The following KIAA1217 variants were observed in gnomAD, a reference collection of about 807,000 sequenced individuals.
KIAA1217 encodes the protein KIAA1217, also known as sickle tail protein homolog.
A neutral mutation model predicts 163.9 loss-of-function variants in KIAA1217; 88 were observed. The ratio of observed to expected loss-of-function variants is 0.54; its 90% confidence interval spans 0.45 to 0.64. The LOEUF (loss-of-function observed/expected upper bound fraction) is 0.64. Ranked by LOEUF, KIAA1217 falls within the 30% of genes least tolerant of loss-of-function variation. The pLI is 0.00. For synonymous variants in KIAA1217, 903 were observed against 923.1 expected, an observed-to-expected ratio of 0.98 and a Z score of 0.39; for missense variants, 2,372 against 2,475.0, an observed-to-expected ratio of 0.96 and a Z score of 0.88.
intron 1 of KIAA1217, among the ~76,000 whole-genome samples, chr10:23,815,849 G>T (rs1056036568): frequency 8.5e-5 from 13 of 152,100 alleles, no homozygotes; most frequent in African/African-American, 3.1e-4. Flanking sequence ...GTCTTTAGTG[G>T]AGTCGATTCT....
intron 2 of KIAA1217, among the ~76,000 whole-genome samples, chr10:24,202,995 G>T (rs1233227577): frequency 6.6e-6 from 1 of 152,090 alleles, no homozygotes; most frequent in African/African-American, 2.4e-5. Context: ...TTCAAGACCA[G>T]CCTGAGCAAC....
At chr10:24,080,941 A>G (rs1381494062) in intron 2 of KIAA1217, among the ~76,000 whole-genome samples, 3 of 152,212 alleles carry the variant, frequency 2.0e-5, no homozygotes, top group Non-Finnish European at 4.4e-5. Context: ...GACAATATTT[A>G]GGGAAATGAA....
At chr10:24,288,088 A>AT (rs1564409900) in intron 2 of KIAA1217, among the ~76,000 whole-genome samples, 1 of 152,100 alleles carries the variant, frequency 6.6e-6, no homozygotes, top group African/African-American at 2.4e-5. Flanking sequence ...GTACTACAGG[A>AT]TTTTTTAAAA....
intron 1 of KIAA1217, among the ~76,000 whole-genome samples, chr10:23,774,725 C>T (rs1359819112): frequency 6.6e-6 from 1 of 152,138 alleles, no homozygotes; most frequent in African/African-American, 2.4e-5. Context: ...GAAAAAGGTG[C>T]AGTCTGGGGC....
At chr10:24,000,406 CACCATGTGAA>C (rs1846684692) in intron 1 of KIAA1217, among the ~76,000 whole-genome samples, 1 of 152,114 alleles carries the variant, frequency 6.6e-6, no homozygotes, top group Non-Finnish European at 1.5e-5. Flanking sequence ...TCCTTGCTGC[CACCATGTGAA>C]GAAGGACAGG....
At chr10:23,878,045 A>C (rs371612608) in intron 1 of KIAA1217, among the ~76,000 whole-genome samples, 3 of 151,944 alleles carry the variant, frequency 2.0e-5, no homozygotes, top group African/African-American at 7.2e-5. Context: ...GTATTGTCAC[A>C]GTAAAGAGGC....
intron 2 of KIAA1217, among the ~76,000 whole-genome samples, chr10:24,078,520 C>T (rs1217118779): frequency 1.3e-5 from 2 of 152,218 alleles, no homozygotes; most frequent in Non-Finnish European, 1.5e-5. Flanking sequence ...GTGCGTTCAC[C>T]AGCAATGCTG....
chr10:24,464,816 A>G (rs2062777686), intron 5 of KIAA1217, among the ~76,000 whole-genome samples: 1 of 152,170 alleles, frequency 6.6e-6, no homozygotes, highest in Non-Finnish European at 1.5e-5. Flanking sequence ...CATGTCGAAC[A>G]TGGCATGACT....
intron 1 of KIAA1217, among the ~76,000 whole-genome samples, chr10:23,731,699 G>A (rs775886412): frequency 1.5e-4 from 23 of 151,934 alleles, no homozygotes; most frequent in African/African-American, 5.1e-4. Flanking sequence ...GGAAAGCTTC[G>A]AGTTTCTCAC....
chr10:24,397,447 G>C (rs2055949601), intron 3 of KIAA1217, among the ~76,000 whole-genome samples: 1 of 152,104 alleles, frequency 6.6e-6, no homozygotes, highest in Non-Finnish European at 1.5e-5. Flanking sequence ...GCTAACATTT[G>C]CTAAGCACTC....
chr10:24,155,817 GA>G (rs2064847458), intron 2 of KIAA1217, among the ~76,000 whole-genome samples: 2 of 151,638 alleles, frequency 1.3e-5, no homozygotes, highest in Admixed American at 1.3e-4. Flanking sequence ...GTGAGACTCT[GA>G]CTTGGAATAA....
At chr10:24,441,853 T>C (rs1019784004) in intron 5 of KIAA1217, among the ~76,000 whole-genome samples, 1 of 152,170 alleles carries the variant, frequency 6.6e-6, no homozygotes, top group Non-Finnish European at 1.5e-5. Context: ...AACCATTCCA[T>C]TTCATGACTC....
chr10:24,405,299 T>C (rs903662442), intron 3 of KIAA1217, among the ~76,000 whole-genome samples: 1 of 152,082 alleles, frequency 6.6e-6, no homozygotes, highest in African/African-American at 2.4e-5. Context: ...TATTATAATT[T>C]TTTTCAAAAT....
At chr10:24,414,444 C>T (rs183037602) in intron 3 of KIAA1217, among the ~76,000 whole-genome samples, 7 of 152,268 alleles carry the variant, frequency 4.6e-5, no homozygotes, top group Admixed American at 3.3e-4. Context: ...AGTATGATGA[C>T]TTTGCTTGAT....
chr10:24,362,419 AAAGAAAAGAAG>A (rs2134260318), intron 2 of KIAA1217, among the ~76,000 whole-genome samples: 1 of 152,356 alleles, frequency 6.6e-6, no homozygotes, highest in South Asian at 2.1e-4. Flanking sequence ...ATTAACAGTA[AAAGAAAAGAAG>A]AAGAAAAGGA....
rs549880629 is a variant in KIAA1217 at position 23,962,986 on chromosome 10, A to G, written c.-320-44239A>G. ...ATATAAAATCTCTAAAAGAAAAAAG[A>G]AAAGATTTTCAGGTACCAGGTTGTG... On this transcript the variant is annotated intron_variant, in intron 1 of 18. Transcript: ENST00000376462. 1.4e-3 allele frequency among the ~76,000 whole-genome samples: 218 copies of G among 152,290 alleles called. 3 individuals carry two copies. Among genetic ancestry groups the G allele is most frequent in the African/African-American group, 4.9e-3 (203 of 41,554 alleles).
intron 6 of KIAA1217, among the ~76,000 whole-genome samples, chr10:24,476,031 G>A (rs2063995536): frequency 6.6e-6 from 1 of 152,140 alleles, no homozygotes; most frequent in South Asian, 2.1e-4. Flanking sequence ...AGAGCATCAG[G>A]AGCTTGATTT....
At chr10:24,095,155 G>A (rs548681702) in intron 2 of KIAA1217, among the ~76,000 whole-genome samples, 1 of 152,308 alleles carries the variant, frequency 6.6e-6, no homozygotes, top group East Asian at 1.9e-4. Context: ...TCCTTGACCA[G>A]GAAAGGGAAC....
intron 1 of KIAA1217, among the ~76,000 whole-genome samples, chr10:23,951,781 T>C (rs1844347829): frequency 2.0e-5 from 3 of 152,204 alleles, no homozygotes; most frequent in Non-Finnish European, 4.4e-5. Context: ...CAAGTGGCAA[T>C]AGCATTTTCC....
Sources: allele counts gnomAD v4.1 joint callset (sites outside exome capture counted in the v4.1 genomes callset), GRCh38; gene constraint gnomAD v4.1.1; transcripts MANE v1.5; gene names NCBI Gene and HGNC (gene_info 2026-07-23, HGNC 2026-07-21).